TRIM50: variants seen among roughly 807,000 people sequenced by gnomAD.
The protein encoded by TRIM50 is E3 ubiquitin-protein ligase TRIM50.
A neutral mutation model predicts 44.9 loss-of-function variants in TRIM50; 34 were observed. The ratio of observed to expected loss-of-function variants is 0.76; its 90% CI spans 0.58 to 1.01. The LOEUF (loss-of-function observed/expected upper bound fraction) is 1.01, where lower values mean the gene tolerates loss of function less well. Ranked by LOEUF, TRIM50 falls within the 50% of genes least tolerant of loss-of-function variation. TRIM50 has a pLI of 0.00. For synonymous variants in TRIM50, 307 were observed against 291.1 expected (o/e 1.05, Z -0.56); for missense variants, 633 against 663.7 (o/e 0.95, Z 0.51).
chr7:73,325,060 T>C (rs1345121069), intron 1 of TRIM50, among the ~76,000 whole-genome samples: 1 of 141,022 alleles, frequency 7.1e-6, no homozygotes, highest in Non-Finnish European at 1.6e-5. Flanking sequence ...GTGTCTACAT[T>C]TTTTACTCAA....
intron 2 of TRIM50, among the ~76,000 whole-genome samples, chr7:73,323,759 G>A (rs1804547025): frequency 6.6e-6 from 1 of 152,192 alleles, no homozygotes; most frequent in South Asian, 2.1e-4. Flanking sequence ...CAAACAAGGG[G>A]CCTAGGGCAG....
rs184647228 is a variant in TRIM50 at position 73,320,160 on chromosome 7, C to T, written c.482G>A (p.Arg161Gln). 1.1e-5 allele frequency: 17 copies of T among 1,613,978 alleles called. No homozygotes were observed. The highest frequency in any genetic ancestry group is 4.5e-5 in the East Asian group (2 of 44,890). Reference sequence around the variant, plus strand: ...AGGGGCACTCACGACGATTCGGGTCCGGTTGTTCACCAGTTTGGCGATGAG... The same window carrying T: ...AGGGGCACTCACGACGATTCGGGTCTGGTTGTTCACCAGTTTGGCGATGAG... ...DELIAKLVNN[R>Q]TRIVNESDVF... Residue 161 changes from arginine (R) to glutamine (Q), a missense_variant, in exon 3 of 7, where the codon CGG becomes CAG. Physicochemically the swap from Arg to Gln is conservative, Grantham distance 43 (BLOSUM62 1). Transcript: ENST00000333149.
At chr7:73,314,730 G>C (rs1804318152) in intron 6 of TRIM50, 1 of 210,150 alleles carries the variant, frequency 4.8e-6, no homozygotes, top group Admixed American at 5.9e-5. Flanking sequence ...CACGCCTATA[G>C]TCCCAACTAC....
In TRIM50 at chr7:73,327,210, C is replaced by T. The variant is rs534495996; in HGVS notation, c.-19+690G>A. On this transcript the variant is annotated intron_variant, in intron 1 of 6. Transcript: ENST00000333149. Reference sequence around the variant, plus strand: ...GGGCAGTATTGAAAGTTGGCTGTAGCTTACGCCTATAATCCCAGCACTTTG... The same window carrying T: ...GGGCAGTATTGAAAGTTGGCTGTAGTTTACGCCTATAATCCCAGCACTTTG... Among the ~76,000 whole-genome samples the T allele has an allele frequency of 5.5e-4, 84 of 151,958 alleles. No homozygotes were observed. In the Middle Eastern group the frequency reaches 0.014, roughly 25 times the overall value.
intron 2 of TRIM50, 113 bp downstream of exon 2, chr7:73,324,276 T>G (rs1804560908): frequency 4.5e-6 from 7 of 1,563,934 alleles, no homozygotes; most frequent in Non-Finnish European, 6.1e-6. Flanking sequence ...AGGGCACAGC[T>G]GCAGGGAAAT....
chr7:73,324,818 C>T lies in TRIM50; in HGVS notation c.-18-13G>A. On this transcript the variant is annotated splice_polypyrimidine_tract_variant and intron_variant, in intron 1 of 6. Transcript: ENST00000333149. Reference sequence around the variant, plus strand: ...CTCACTGCCCGGGCTGAAACACAGGCATCCGACCTCAGTCCTGTCCCCTCC... The same window carrying T: ...CTCACTGCCCGGGCTGAAACACAGGTATCCGACCTCAGTCCTGTCCCCTCC... 1 of 1,612,604 alleles carries T rather than the reference C, an allele frequency of 6.2e-7. No homozygotes were observed. The highest frequency in any genetic ancestry group is 8.5e-7 in the Non-Finnish European group (1 of 1,179,868).
chr7:73,319,668 C>G (rs1258029283), intron 3 of TRIM50, among the ~76,000 whole-genome samples: 1 of 152,180 alleles, frequency 6.6e-6, no homozygotes, highest in Non-Finnish European at 1.5e-5. Context: ...GGATCTTGCC[C>G]GGCTCCTGTT....
At chr7:73,315,946 T>C (rs1358674394) in intron 6 of TRIM50, among the ~76,000 whole-genome samples, 1 of 151,606 alleles carries the variant, frequency 6.6e-6, no homozygotes, top group African/African-American at 2.4e-5. Flanking sequence ...AATGGCACGA[T>C]ATCAACTCAC....
At chr7:73,318,784 G>C (rs782027912) in intron 4 of TRIM50, 38 bp downstream of exon 4, 1 of 1,614,000 alleles carries the variant, frequency 6.2e-7, no homozygotes, top group South Asian at 1.1e-5. Context: ...GGAAGGCCCT[G>C]GCGGGTATGG....
intron 3 of TRIM50, among the ~76,000 whole-genome samples, chr7:73,319,700 GGGCCGGGGCACTAT>G (rs1353896052): frequency 6.6e-6 from 1 of 152,182 alleles, no homozygotes; most frequent in South Asian, 2.1e-4. Context: ...GCCACCTCCA[GGGCCGGGGCACTAT>G]GGCTCCCAGC....
chr7:73,323,586 G>T (rs1168769977), intron 2 of TRIM50, among the ~76,000 whole-genome samples: 1 of 152,186 alleles, frequency 6.6e-6, no homozygotes, highest in Non-Finnish European at 1.5e-5. Context: ...AGAATGATCT[G>T]CTAGGTTTGG....
Position 73,313,614 on chromosome 7 carries a change from G to A in TRIM50, c.875-104C>T. The A allele has an allele frequency of 1.0e-6, 1 of 970,892 alleles. No individual in the cohort carries two copies. Among genetic ancestry groups the A allele is most frequent in the Non-Finnish European group, 1.5e-6 (1 of 675,578 alleles). The allele number at this position is 970,892 out of a possible 1,614,324, so 60.1% of individuals were successfully genotyped here. On this transcript the variant is annotated intron_variant, in intron 6 of 6. Coordinates refer to ENST00000333149, the MANE Select transcript of TRIM50 (RefSeq NM_178125.3). This position sits in a 1 kb window ranked among gnomAD's most constrained non-coding sequence, Gnocchi z 4.9. ...TGAACTCCCCAAGGAGAGGGGCTGT[G>A]TCTTCCTCATCTCTCTAGCCCCAGG...
In TRIM50 at chr7:73,312,845, G is replaced by A. The variant is rs1554543107; in HGVS notation, c.*76C>T. 1.7e-6 allele frequency: 2 copies of A among 1,198,442 alleles called. No homozygotes were observed. Among genetic ancestry groups the A allele is most frequent in the Non-Finnish European group, 2.3e-6 (2 of 879,722 alleles). The allele number at this position is 1,198,442 out of a possible 1,614,324, so 74.2% of individuals were successfully genotyped here. ...AAACAGTGACGATATCACCTCAGGCGGGACCCAGCAGAAGCCCGCGAGTCC... is the reference window on the plus strand; with the variant it reads ...AAACAGTGACGATATCACCTCAGGCAGGACCCAGCAGAAGCCCGCGAGTCC... On this transcript the variant is annotated 3_prime_UTR_variant, in exon 7 of 7. Coordinates refer to ENST00000333149, the MANE Select transcript of TRIM50 (RefSeq NM_178125.3).
In TRIM50 at chr7:73,327,921, T is replaced by G; in HGVS notation, c.-40A>C. On this transcript the variant is annotated 5_prime_UTR_variant, in exon 1 of 7. Coordinates refer to ENST00000333149, the MANE Select transcript of TRIM50 (RefSeq NM_178125.3). The stretch of plus-strand genomic sequence containing the variant: ...GTACCCAGCCTCCGGCCCCTGTAAG[T>G]GCCCCATCGTGCTCTCTGTCGCTCC... 1 of 470,424 alleles carries G rather than the reference T, an allele frequency of 2.1e-6. No individual in the cohort carries two copies. Among genetic ancestry groups the G allele is most frequent in the East Asian group, 4.0e-5 (1 of 25,278 alleles). 29.1% of individuals were successfully genotyped at this position (470,424 alleles called of 1,614,324 possible).
intron 3 of TRIM50, among the ~76,000 whole-genome samples, chr7:73,319,915 T>A (rs1554544812): frequency 6.6e-6 from 1 of 152,214 alleles, no homozygotes; most frequent in East Asian, 1.9e-4. Flanking sequence ...TCCTGGGTTA[T>A]CTCAGTCTCA....
At chr7:73,326,331 G>A (rs1390495832) in intron 1 of TRIM50, among the ~76,000 whole-genome samples, 3 of 151,064 alleles carry the variant, frequency 2.0e-5, no homozygotes, top group Non-Finnish European at 2.9e-5. Flanking sequence ...TTGAACTCCC[G>A]GCCTCAAGCA....
At chr7:73,324,287 C>T (rs1554545503) in intron 2 of TRIM50, 102 bp downstream of exon 2, 10 of 1,582,564 alleles carry the variant, frequency 6.3e-6, no homozygotes, top group African/African-American at 1.4e-5. Context: ...GCAGGGAAAT[C>T]GAGGATAGCT....
At chr7:73,316,903 T>C in intron 5 of TRIM50, 1 of 606,194 alleles carries the variant, frequency 1.6e-6, no homozygotes, top group Non-Finnish European at 2.5e-6. Context: ...GCTTCTAGAG[T>C]GCAGGTTTGG....
intron 2 of TRIM50, among the ~76,000 whole-genome samples, chr7:73,322,883 C>T (rs1347385979): frequency 3.3e-5 from 5 of 152,168 alleles, no homozygotes; most frequent in Admixed American, 1.3e-4. Context: ...GGTCTGCACA[C>T]CCCTCGACCC....
Sources: gnomAD v4.1 joint callset for allele counts (sites outside exome capture counted in the v4.1 genomes callset) on GRCh38, gnomAD v4.1.1 for gene constraint, Gnocchi (gnomAD v3.1) non-coding constraint, MANE v1.5 for transcripts, NCBI Gene and HGNC (gene_info 2026-07-23, HGNC 2026-07-21) for gene names.